Variants in LY75 observed in about 807,000 individuals in gnomAD.
LY75 encodes lymphocyte antigen 75, also known as C-type lectin domain family 13 member B.
LY75 carries 185 observed loss-of-function variants against 231.7 expected under a neutral mutation model. The ratio of observed to expected loss-of-function variants is 0.80; its 90% CI spans 0.71 to 0.90. The LOEUF is 0.90. Ranked by LOEUF, LY75 falls within the 40% of genes least tolerant of loss-of-function variation. The pLI, the probability that LY75 is intolerant of heterozygous loss-of-function variation, is 0.00. For missense variants in LY75, 1,947 were observed against 2,050.2 expected, an observed-to-expected ratio of 0.95 and a Z score of 0.97; for synonymous variants, 668 against 689.0, an observed-to-expected ratio of 0.97 and a Z score of 0.48.
chr2:159,835,711 C>T (rs1240219298), intron 25 of LY75, 66 bp from the exon 26 acceptor site: 1 of 1,559,526 alleles, frequency 6.4e-7, no homozygotes, highest in Non-Finnish European at 8.6e-7. Context: ...TATTTTGACT[C>T]CCATGGTCAA....
At chr2:159,849,694 A>G (rs894931921) in intron 23 of LY75, among the ~76,000 whole-genome samples, 2 of 152,138 alleles carry the variant, frequency 1.3e-5, no homozygotes, top group African/African-American at 4.8e-5. Context: ...TACATATTCA[A>G]TAGTTTTTAG....
intron 7 of LY75, among the ~76,000 whole-genome samples, chr2:159,881,883 A>G (rs1685446613): frequency 6.6e-6 from 1 of 152,184 alleles, no homozygotes; most frequent in Non-Finnish European, 1.5e-5. Flanking sequence ...AGATGAAATA[A>G]AAGTAATAAT....
intron 31 of LY75, among the ~76,000 whole-genome samples, chr2:159,813,145 A>T (rs1292066717): frequency 6.6e-6 from 1 of 152,244 alleles, no homozygotes; most frequent in Non-Finnish European, 1.5e-5. Context: ...ACCTGTTTGA[A>T]TCCCTGCTTT....
chr2:159,817,130 C>A lies in LY75; in HGVS notation c.4154-98G>T, dbSNP rs1324996429. On this transcript the variant is annotated intron_variant, in intron 29 of 34. Transcript: ENST00000263636. ...CAATCATTTCAAAAGTTAAATAAAACTGGGTTTCTTATTAATAAGGGAGGT... is the reference window on the plus strand; with the variant it reads ...CAATCATTTCAAAAGTTAAATAAAAATGGGTTTCTTATTAATAAGGGAGGT... 7 of 1,302,622 alleles carry A rather than the reference C, an allele frequency of 5.4e-6. No individual in the cohort carries two copies. The East Asian group carries it at 1.5e-4, about 29-fold the overall frequency. The allele number at this position is 1,302,622 out of a possible 1,614,324, so 80.7% of individuals were successfully genotyped here. A position where few individuals can be genotyped will look rare whatever the true frequency, so the allele number is the denominator to read the frequency against.
intron 31 of LY75, among the ~76,000 whole-genome samples, chr2:159,814,769 G>C (rs1489512565): frequency 6.6e-6 from 1 of 151,808 alleles, no homozygotes; most frequent in Non-Finnish European, 1.5e-5. Flanking sequence ...AATCACATGA[G>C]GTGTTCCCCA....
In LY75 at chr2:159,838,506, T is replaced by C. The variant is rs560252117; in HGVS notation, c.3507+2223A>G. ...CAAAATATTGATTGAATCATGTTTATTTTTAGGTACTGGCATTACAGGTGA... is the reference window on the plus strand; with the variant it reads ...CAAAATATTGATTGAATCATGTTTACTTTTAGGTACTGGCATTACAGGTGA... On this transcript the variant is annotated intron_variant, in intron 25 of 34. Coordinates refer to ENST00000263636, the MANE Select transcript of LY75 (RefSeq NM_002349.4). Among the ~76,000 whole-genome samples the C allele has an allele frequency of 2.0e-5, 3 of 152,318 alleles. No individual in the cohort carries two copies. In the South Asian group the frequency reaches 6.2e-4, roughly 32 times the overall value.
At chr2:159,874,562 CTATA>C (rs1298075066) in intron 12 of LY75, among the ~76,000 whole-genome samples, 4 of 18,442 alleles carry the variant, frequency 2.2e-4, no homozygotes, top group African/African-American at 1.5e-3. Context: ...TTTTGTAAAT[CTATA>C]TAAATATGTA....
rs1383978625 is a variant in LY75, at chr2:159,834,064, T to C, written c.3821A>G (p.His1274Arg). ...RHMATTQDEV[H>R]TKCQKLNPKS... ...CTTACTCAGTTTCTGGCATTTAGTA[T>C]GAACTTCATCCTGTGTTGTTGCCAT... Residue 1274 changes from histidine (H) to arginine (R), a missense_variant, in exon 27 of 35, where the codon CAT becomes CGT. His to Arg is a conservative substitution (Grantham distance 29). Transcript: ENST00000263636. 6.2e-7 allele frequency: 1 copy of C among 1,613,648 alleles called. No homozygotes were observed. Among genetic ancestry groups the C allele is most frequent in the Non-Finnish European group, 8.5e-7 (1 of 1,179,860 alleles).
intron 21 of LY75, among the ~76,000 whole-genome samples, chr2:159,850,791 T>TATATATATATATATATAA (rs1341394980): frequency 1.9e-4 from 18 of 94,442 alleles, no homozygotes; most frequent in South Asian, 5.0e-4. Flanking sequence ...TATATATATA[T>TATATATATATATATATAA]ATATATATTA....
intron 7 of LY75, 31 bp downstream of exon 7, chr2:159,882,093 C>G (rs762953385): frequency 6.3e-7 from 1 of 1,591,692 alleles, no homozygotes; most frequent in Non-Finnish European, 8.6e-7. Flanking sequence ...ATGGCTTAAG[C>G]CTCTCAAATA....
chr2:159,810,280 C>T (rs1418318191), intron 32 of LY75, among the ~76,000 whole-genome samples: 1 of 152,124 alleles, frequency 6.6e-6, no homozygotes, highest in East Asian at 1.9e-4. Flanking sequence ...GATCTGCCCG[C>T]CTTGGCCTCC....
rs1353027617 is a variant in LY75 at position 159,874,827 on chromosome 2, T to C, written c.1974+617A>G. ...TATTTTGTAAATTTATGTAAATATA[T>C]ATATTTTGTAAATATATGTAAATAT... On this transcript the variant is annotated intron_variant, in intron 12 of 34. Transcript: ENST00000263636. 1.4e-4 allele frequency among the ~76,000 whole-genome samples: 12 copies of C among 86,576 alleles called. 1 individual carries two copies. The highest frequency in any genetic ancestry group is 4.3e-4 in the African/African-American group (12 of 28,192). 56.8% of individuals were successfully genotyped at this position (86,576 alleles called of 152,430 possible).
intron 15 of LY75, among the ~76,000 whole-genome samples, chr2:159,859,345 T>G (rs73000725): frequency 0.034 from 5,234 of 152,324 alleles, 254 homozygotes; most frequent in East Asian, 0.16. Flanking sequence ...TCAGCCTTCC[T>G]GTAACATTTC....
At chr2:159,833,968 C>T in intron 27 of LY75, 76 bp downstream of exon 27, 2 of 1,505,752 alleles carry the variant, frequency 1.3e-6, no homozygotes, top group South Asian at 1.3e-5. Flanking sequence ...GCCATTAAAC[C>T]TCTTTTTCTT....
At chr2:159,821,815 T>G (rs781580786) in intron 28 of LY75, among the ~76,000 whole-genome samples, 8 of 152,176 alleles carry the variant, frequency 5.3e-5, no homozygotes, top group Non-Finnish European at 1.2e-4. Flanking sequence ...GCAGGTGATT[T>G]CTGCATTTCC....
At chr2:159,845,337 G>A (rs888545417) in intron 23 of LY75, among the ~76,000 whole-genome samples, 2 of 151,876 alleles carry the variant, frequency 1.3e-5, no homozygotes, top group Non-Finnish European at 2.9e-5. Flanking sequence ...TGTTTTAAGG[G>A]CATGTAATAA....
chr2:159,856,340 A>C (rs905453602), intron 16 of LY75, among the ~76,000 whole-genome samples: 1 of 152,226 alleles, frequency 6.6e-6, no homozygotes, highest in African/African-American at 2.4e-5. Context: ...GGTAACTTCA[A>C]ATTTACAGGT....
At position 159,840,709 on chromosome 2, in the gene LY75, A is replaced by G. The variant is rs372474751; in HGVS notation, c.3507+20T>C. ...TCGCTTTCCATCACCCAGTCCTGGC[A>G]GTTGGGACTGAACACTTACATCTTG... On this transcript the variant is annotated intron_variant, in intron 25 of 34. Transcript: ENST00000263636. 372 of 1,613,960 alleles carry G rather than the reference A, an allele frequency of 2.3e-4. 6 individuals are homozygous for G. In the South Asian group the frequency reaches 4.0e-3, roughly 17 times the overall value.
At chr2:159,859,740 C>T (rs935487144) in intron 15 of LY75, among the ~76,000 whole-genome samples, 1 of 152,158 alleles carries the variant, frequency 6.6e-6, no homozygotes, top group Admixed American at 6.5e-5. Flanking sequence ...GTAAATTACT[C>T]ACAGCTCAAA....
Sources: allele counts gnomAD v4.1 joint callset (sites outside exome capture counted in the v4.1 genomes callset), GRCh38; gene constraint gnomAD v4.1.1; transcripts MANE v1.5; gene names NCBI Gene and HGNC (gene_info 2026-07-23, HGNC 2026-07-21).